Variants in LDLRAD4 observed in about 807,000 individuals in gnomAD.
LDLRAD4 encodes low density lipoprotein receptor class A domain containing 4.
A neutral mutation model predicts 17.0 loss-of-function variants in LDLRAD4; 5 were observed. The ratio of observed to expected loss-of-function variants is 0.29; its 90% CI spans 0.15 to 0.62. The LOEUF (loss-of-function observed/expected upper bound fraction) is 0.62. LDLRAD4 is among the 20% of genes least tolerant of loss of function. The pLI is 0.84. For missense variants in LDLRAD4, 340 were observed against 424.7 expected, an observed-to-expected ratio of 0.80 and a Z score of 1.75; for synonymous variants, 168 against 171.8, an observed-to-expected ratio of 0.98 and a Z score of 0.17.
intron 2 of LDLRAD4, among the ~76,000 whole-genome samples, chr18:13,436,084 G>T (rs193057136): frequency 9.6e-4 from 147 of 152,352 alleles, no homozygotes; most frequent in African/African-American, 3.3e-3. Flanking sequence ...TTCACCGAGT[G>T]CCTGTCACAG....
At chr18:13,544,728 C>G (rs1172481449) in intron 3 of LDLRAD4, among the ~76,000 whole-genome samples, 1 of 152,166 alleles carries the variant, frequency 6.6e-6, no homozygotes, top group Non-Finnish European at 1.5e-5. Context: ...ACACACCCGT[C>G]ACCTTTCAGA....
chr18:13,616,860 G>C (rs1447621095), intron 3 of LDLRAD4, among the ~76,000 whole-genome samples: 3 of 152,196 alleles, frequency 2.0e-5, no homozygotes, highest in African/African-American at 7.2e-5. Flanking sequence ...TGCTCCCACA[G>C]CCTCTGAGCA....
intron 3 of LDLRAD4, among the ~76,000 whole-genome samples, chr18:13,542,763 C>A (rs1223230963): frequency 6.6e-6 from 1 of 152,154 alleles, no homozygotes; most frequent in Admixed American, 6.5e-5. Flanking sequence ...TTTAAATAAA[C>A]CCTTTCCTGT....
chr18:13,484,730 G>C lies in LDLRAD4; in HGVS notation c.181+46346G>C, dbSNP rs534295618. 1.4e-4 allele frequency among the ~76,000 whole-genome samples: 21 copies of C among 152,324 alleles called. No individual in the cohort carries two copies. The South Asian group carries it at 4.3e-3, about 32-fold the overall frequency. Reference sequence around the variant, plus strand: ...CTGACTCCCCCTGCCCCCACCTGGAGAGACAGGCACTAATGCACATATCTG... The same window carrying C: ...CTGACTCCCCCTGCCCCCACCTGGACAGACAGGCACTAATGCACATATCTG... On this transcript the variant is annotated intron_variant, in intron 3 of 5. Transcript: ENST00000359446.
intron 2 of LDLRAD4, among the ~76,000 whole-genome samples, chr18:13,405,817 T>C (rs2145602493): frequency 6.6e-6 from 1 of 152,258 alleles, no homozygotes; most frequent in Admixed American, 6.5e-5. Context: ...CAGGGCCCTG[T>C]CCTGCTCTGA....
intron 3 of LDLRAD4, among the ~76,000 whole-genome samples, chr18:13,499,322 C>T (rs117515764): frequency 0.039 from 5,590 of 141,806 alleles, 176 homozygotes; most frequent in Middle Eastern, 0.058. Flanking sequence ...ACACACGTCC[C>T]GCCATGGATA....
At chr18:13,422,635 C>G (rs1178173859) in intron 2 of LDLRAD4, among the ~76,000 whole-genome samples, 1 of 152,080 alleles carries the variant, frequency 6.6e-6, no homozygotes, top group Admixed American at 6.5e-5. Context: ...GTGTTGGAGG[C>G]TGCAGTGAGC....
intron 3 of LDLRAD4, among the ~76,000 whole-genome samples, chr18:13,616,764 G>A (rs779451530): frequency 6.6e-6 from 1 of 152,208 alleles, no homozygotes; most frequent in Non-Finnish European, 1.5e-5. Context: ...TGCCTTCATG[G>A]CTCAGGCCTC....
chr18:13,289,914 G>T (rs2045867713), intron 1 of LDLRAD4, among the ~76,000 whole-genome samples: 1 of 152,222 alleles, frequency 6.6e-6, no homozygotes, highest in South Asian at 2.1e-4. Context: ...CCTGGAAGAG[G>T]TTCAGCAGCC....
chr18:13,515,931 GC>G (rs2093859052), intron 3 of LDLRAD4: 1 of 151,884 alleles, frequency 6.6e-6, no homozygotes, highest in Non-Finnish European at 1.5e-5. Context: ...TCCCACCTCA[GC>G]TTCCCAAGTA....
At chr18:13,594,093 C>T (rs2095061646) in intron 3 of LDLRAD4, among the ~76,000 whole-genome samples, 1 of 152,128 alleles carries the variant, frequency 6.6e-6, no homozygotes. Context: ...ACACATGTGT[C>T]TTGGGGTCCC....
intron 2 of LDLRAD4, among the ~76,000 whole-genome samples, chr18:13,430,309 A>G (rs16940502): frequency 0.056 from 8,514 of 152,294 alleles, 542 homozygotes; most frequent in East Asian, 0.34. Context: ...GTTGCGCTTC[A>G]TGATTGATGC....
chr18:13,636,521 AATCTTGCTCTGTCGCCCAGGC>A (rs2042098539), intron 4 of LDLRAD4, among the ~76,000 whole-genome samples: 1 of 151,820 alleles, frequency 6.6e-6, no homozygotes, highest in Non-Finnish European at 1.5e-5. Flanking sequence ...TTTGAGATGG[AATCTTGCTCTGTCGCCCAGGC>A]TGGAGTGCAG....
At chr18:13,538,662 C>T (rs1355317190) in intron 3 of LDLRAD4, among the ~76,000 whole-genome samples, 1 of 152,088 alleles carries the variant, frequency 6.6e-6, no homozygotes, top group Non-Finnish European at 1.5e-5. Flanking sequence ...TTAGCTGGGA[C>T]TACAGGTGTA....
chr18:13,563,526 G>A (rs2094562436), intron 3 of LDLRAD4, among the ~76,000 whole-genome samples: 1 of 152,204 alleles, frequency 6.6e-6, no homozygotes, highest in South Asian at 2.1e-4. Flanking sequence ...TGAGTCTAGG[G>A]AGCAGAATGG....
rs554287419 is a variant in LDLRAD4, at chr18:13,463,068, G to A, written c.181+24684G>A. Among the ~76,000 whole-genome samples the A allele has an allele frequency of 3.3e-5, 5 of 152,244 alleles. No homozygotes were observed. The East Asian group carries it at 9.6e-4, about 29-fold the overall frequency. On this transcript the variant is annotated intron_variant, in intron 3 of 5. Transcript: ENST00000359446. Reference sequence around the variant, plus strand: ...TACCTGTGGTCCCGCTGGGGGGCCCGAGACCAAGAATCTCCACGAAACAAT... The same window carrying A: ...TACCTGTGGTCCCGCTGGGGGGCCCAAGACCAAGAATCTCCACGAAACAAT...
rs2042965952 is a variant in LDLRAD4, at chr18:13,645,379, G to A, written c.643G>A (p.Asp215Asn). Residue 215 changes from aspartate (D) to asparagine (N), a missense_variant, in exon 6 of 6, where the codon GAC becomes AAC. Coordinates refer to ENST00000359446, the Ensembl canonical transcript of LDLRAD4. The surrounding 1 kb of genome is among the most constrained non-coding windows in gnomAD (Gnocchi z 5.7). ...GGCCCCACCCAACCGAACCATATTT[G>A]ACAGTGATTTAATAGACATTGCTAT... is the stretch of plus-strand genomic sequence containing the variant. 2 of 1,614,042 alleles carry A rather than the reference G, an allele frequency of 1.2e-6. No individual in the cohort carries two copies. Among genetic ancestry groups the A allele is most frequent in the Non-Finnish European group, 1.7e-6 (2 of 1,180,046 alleles).
chr18:13,223,262 G>C (rs2041563595), intron 1 of LDLRAD4, among the ~76,000 whole-genome samples: 1 of 152,208 alleles, frequency 6.6e-6, no homozygotes, highest in African/African-American at 2.4e-5. Context: ...CATCTGCTCT[G>C]TTCCTAAAAG....
chr18:13,438,501 A>G, intron 3 of LDLRAD4, 117 bp downstream of exon 4: 1 of 786,380 alleles, frequency 1.3e-6, no homozygotes, highest in East Asian at 2.5e-5. Context: ...AGAGATTTGC[A>G]TTTTCACAAA....
Sources: allele counts gnomAD v4.1 joint callset (sites outside exome capture counted in the v4.1 genomes callset), GRCh38; gene constraint gnomAD v4.1.1; non-coding constraint Gnocchi (gnomAD v3.1); transcripts MANE v1.5; gene names NCBI Gene and HGNC (gene_info 2026-07-23, HGNC 2026-07-21).